Variants in AZIN2 observed in about 807,000 individuals in gnomAD.
AZIN2 encodes antizyme inhibitor 2, also known as ODC antizyme inhibitor-2.
A neutral mutation model predicts 47.8 loss-of-function variants in AZIN2; 28 were observed. That is an observed-to-expected ratio of 0.59 (90% CI 0.43 to 0.80). The LOEUF is 0.80. Ranked by LOEUF, AZIN2 falls within the 30% of genes least tolerant of loss-of-function variation. The probability of loss-of-function intolerance (pLI) is 0.00; values close to 1 mark genes in which losing one functional copy is unlikely to be tolerated. For missense variants in AZIN2, 535 were observed against 582.5 expected (o/e 0.92, Z 0.84); for synonymous variants, 221 against 239.4 (o/e 0.92, Z 0.71).
chr1:33,166,690 G>A, the AZIN2 span, among the ~76,000 whole-genome samples: 1 of 152,128 alleles, frequency 6.6e-6, no homozygotes. Flanking sequence ...CCATGATCTT[G>A]ATGCCAGGTG....
At chr1:33,109,956 T>C (rs1018464189) in intron 10 of AZIN2, among the ~76,000 whole-genome samples, 5 of 152,218 alleles carry the variant, frequency 3.3e-5, no homozygotes, top group Non-Finnish European at 7.3e-5. Flanking sequence ...CATGGTAGCA[T>C]TGACCTTCAG....
chr1:33,151,222 C>T, the AZIN2 span, among the ~76,000 whole-genome samples: 12 of 152,224 alleles, frequency 7.9e-5, no homozygotes, highest in South Asian at 6.2e-4. Context: ...CCAGCCCTGG[C>T]GAGCGGACCT....
At chr1:33,087,551 C>T (rs1642061550) in intron 5 of AZIN2, among the ~76,000 whole-genome samples, 3 of 152,006 alleles carry the variant, frequency 2.0e-5, no homozygotes, top group Admixed American at 2.0e-4. Context: ...ATTCTCCTGC[C>T]TCAGCCTCCT....
chr1:33,089,210 A>G (rs996180031), intron 5 of AZIN2, among the ~76,000 whole-genome samples: 1 of 152,296 alleles, frequency 6.6e-6, no homozygotes, highest in Non-Finnish European at 1.5e-5. Flanking sequence ...ACCTTATAAG[A>G]TTATTAGTAA....
chr1:33,140,687 G>T, the AZIN2 span, among the ~76,000 whole-genome samples: 40 of 152,228 alleles, frequency 2.6e-4, no homozygotes, highest in African/African-American at 9.6e-4. This position sits in a 1 kb window ranked among gnomAD's most constrained non-coding sequence, Gnocchi z 4.0. Flanking sequence ...CCTGGGCTGG[G>T]CTTTGTCCTT....
At chr1:33,159,871 T>G in the AZIN2 span, 1 of 1,612,706 alleles carries the variant, frequency 6.2e-7, no homozygotes, top group East Asian at 2.2e-5. This position sits in a 1 kb window ranked among gnomAD's most constrained non-coding sequence, Gnocchi z 4.2. Context: ...CATGGCCTTC[T>G]GGCGTTCACG....
the AZIN2 span, among the ~76,000 whole-genome samples, chr1:33,141,453 G>A: frequency 6.6e-6 from 1 of 152,110 alleles, no homozygotes; most frequent in Non-Finnish European, 1.5e-5. Flanking sequence ...AACCCTCTCT[G>A]GGCTTCAGGT....
chr1:33,099,969 T>C (rs963982610), intron 10 of AZIN2, among the ~76,000 whole-genome samples: 2 of 152,178 alleles, frequency 1.3e-5, no homozygotes, highest in Non-Finnish European at 2.9e-5. Context: ...AGTTTTGGCA[T>C]CTTTCTTTGC....
chr1:33,135,883 ATGAGGGAG>A, the AZIN2 span, among the ~76,000 whole-genome samples: 1,025 of 152,280 alleles, frequency 6.7e-3, 9 homozygotes, highest in African/African-American at 0.023. Flanking sequence ...AAGCGATTGA[ATGAGGGAG>A]TGAGGGAGTG....
the AZIN2 span, chr1:33,141,967 A>G: frequency 6.5e-6 from 1 of 152,926 alleles, no homozygotes; most frequent in East Asian, 1.9e-4. Flanking sequence ...CCCCTCTCCT[A>G]CTTTTTTTTG....
At chr1:33,103,453 A>G (rs1174394798) in intron 10 of AZIN2, among the ~76,000 whole-genome samples, 2 of 152,010 alleles carry the variant, frequency 1.3e-5, no homozygotes, top group Non-Finnish European at 2.9e-5. Flanking sequence ...CAGCTGCTGT[A>G]TTCTCTTTCT....
the AZIN2 span, among the ~76,000 whole-genome samples, chr1:33,129,931 C>G: frequency 6.1e-4 from 93 of 152,264 alleles, no homozygotes; most frequent in Admixed American, 6.1e-3. The surrounding 1 kb of genome is among the most constrained non-coding windows in gnomAD (Gnocchi z 4.1). Context: ...GTCATCTTGG[C>G]TCACTGCAGC....
intron 10 of AZIN2, among the ~76,000 whole-genome samples, chr1:33,109,515 G>A (rs567427580): frequency 2.0e-5 from 3 of 152,010 alleles, no homozygotes; most frequent in Admixed American, 2.0e-4. Context: ...TTTTAGTAGA[G>A]ACGGGGTTTC....
chr1:33,136,590 G>A, the AZIN2 span, among the ~76,000 whole-genome samples: 2 of 151,406 alleles, frequency 1.3e-5, no homozygotes, highest in African/African-American at 4.9e-5. Context: ...GGCTGGTCTT[G>A]AACTCCTGGC....
chr1:33,126,302 C>T (rs77629848), downstream of AZIN2, among the ~76,000 whole-genome samples: 1,523 of 152,220 alleles, frequency 0.01, 30 homozygotes, highest in East Asian at 0.079. Flanking sequence ...GTTCCATCTC[C>T]GGGCTTTCAT....
chr1:33,104,932 T>C (rs1290053581), intron 10 of AZIN2, among the ~76,000 whole-genome samples: 1 of 152,196 alleles, frequency 6.6e-6, no homozygotes, highest in Non-Finnish European at 1.5e-5. Context: ...CTCCTTGTTT[T>C]GTTCAAGCAA....
Position 33,093,294 on chromosome 1 carries a change from C to A in AZIN2, c.465C>A (p.Cys155Ter), listed in dbSNP as rs533236928. 5 of 1,613,996 alleles carry A rather than the reference C, an allele frequency of 3.1e-6. No homozygotes were observed. In the African/African-American group the frequency reaches 6.7e-5, roughly 22 times the overall value. The change falls in exon 7 of 12, where the codon TGC becomes TGA. Residue 155 changes from cysteine (C) to a stop codon, truncating the protein, a stop_gained. Transcript: ENST00000294517. LOFTEE classifies it high-confidence loss of function. ...CGTGTCTCATCAGGATGGTTCTGTG[C>A]ATTGCTACCGATGACTCCCACTCCC... is the stretch of plus-strand genomic sequence containing the variant. ...KSHPSAKMVL[C>*]IATDDSHSLS...
chr1:33,157,550 T>C, the AZIN2 span, among the ~76,000 whole-genome samples: 1 of 152,120 alleles, frequency 6.6e-6, no homozygotes, highest in African/African-American at 2.4e-5. Context: ...TTTGTCTACT[T>C]TCTATCTCAC....
At chr1:33,161,400 G>A in the AZIN2 span, among the ~76,000 whole-genome samples, 1 of 152,154 alleles carries the variant, frequency 6.6e-6, no homozygotes, top group Non-Finnish European at 1.5e-5. This position sits in a 1 kb window ranked among gnomAD's most constrained non-coding sequence, Gnocchi z 4.3. Flanking sequence ...TTACTTTGTG[G>A]GATTCTGGCT....
Sources: gnomAD v4.1 joint callset for allele counts (sites outside exome capture counted in the v4.1 genomes callset) on GRCh38, gnomAD v4.1.1 for gene constraint, Gnocchi (gnomAD v3.1) non-coding constraint, MANE v1.5 for transcripts, NCBI Gene and HGNC (gene_info 2026-07-23, HGNC 2026-07-21) for gene names.